The following LRRK2 variants were observed in gnomAD, a reference collection of about 807,000 sequenced individuals.
LRRK2 encodes the protein leucine rich repeat kinase 2.
LRRK2 carries 203 observed loss-of-function variants against 302.6 expected under a neutral mutation model. The ratio of observed to expected loss-of-function variants is 0.67; its 90% confidence interval spans 0.60 to 0.75. LRRK2 has a LOEUF of 0.75. LRRK2 is among the 30% of genes least tolerant of loss of function. LRRK2 has a pLI of 0.00. For missense variants in LRRK2, 2,830 were observed against 2,951.0 expected (o/e 0.96, Z 0.95); for synonymous variants, 1,066 against 1,031.9 (o/e 1.03, Z -0.63).
Position 40,225,080 on chromosome 12 carries a change from G to T in LRRK2, c.-52G>T. 1.2e-6 allele frequency: 2 copies of T among 1,610,410 alleles called. No individual in the cohort carries two copies. The highest frequency in any genetic ancestry group is 1.1e-5 in the South Asian group (1 of 90,800). On this transcript the variant is annotated 5_prime_UTR_variant, in exon 1 of 51. Coordinates refer to ENST00000298910, the MANE Select transcript of LRRK2 (RefSeq NM_198578.4). ...TGGCCGGCGCCCCTGCCGGTTCCCT[G>T]AGCAGCGGACGTTCATGCTGGGAGG...
chr12:40,284,532 A>G (rs766388956), intron 19 of LRRK2, among the ~76,000 whole-genome samples: 5 of 152,096 alleles, frequency 3.3e-5, no homozygotes, highest in African/African-American at 4.8e-5. Flanking sequence ...ACATGTACCT[A>G]TGCATTCAAA....
intron 20 of LRRK2, among the ~76,000 whole-genome samples, chr12:40,289,342 A>T (rs1037958249): frequency 6.6e-6 from 1 of 151,718 alleles, no homozygotes; most frequent in African/African-American, 2.4e-5. Context: ...AGATAGTGTA[A>T]GTCCTCTGGT....
Position 40,309,091 on chromosome 12 carries a change from C to A in LRRK2, c.4190-15C>A. 6 of 1,612,652 alleles carry A rather than the reference C, an allele frequency of 3.7e-6. No individual in the cohort carries two copies. The highest frequency in any genetic ancestry group is 5.1e-6 in the Non-Finnish European group (6 of 1,179,406). The stretch of plus-strand genomic sequence containing the variant: ...TTTGAAAGATTAAAAAAATTTGTCT[C>A]TAATCTTTATTTAGGTCGTGAGGAA... On this transcript the variant is annotated splice_polypyrimidine_tract_variant and intron_variant, in intron 29 of 50. Coordinates refer to ENST00000298910, the MANE Select transcript of LRRK2 (RefSeq NM_198578.4).
At chr12:40,316,830 T>C (rs541525961) in intron 33 of LRRK2, among the ~76,000 whole-genome samples, 1 of 152,200 alleles carries the variant, frequency 6.6e-6, no homozygotes, top group African/African-American at 2.4e-5. Flanking sequence ...AGCTGCATCC[T>C]GTACAGCAAA....
At position 40,249,807 on chromosome 12, in the gene LRRK2, T is replaced by A; in HGVS notation, c.839-19T>A. ...CTTCCATGGATGAGAATTCAGCTAA[T>A]GTTTCACTTAACTTTTAGGTAATTT... On this transcript the variant is annotated intron_variant, in intron 7 of 50. Transcript: ENST00000298910. The A allele has an allele frequency of 6.2e-7, 1 of 1,612,984 alleles. No homozygotes were observed. Among genetic ancestry groups the A allele is most frequent in the Non-Finnish European group, 8.5e-7 (1 of 1,179,198 alleles).
At chr12:40,290,819 T>C (rs1472131404) in intron 20 of LRRK2, among the ~76,000 whole-genome samples, 3 of 152,088 alleles carry the variant, frequency 2.0e-5, no homozygotes, top group Non-Finnish European at 4.4e-5. Context: ...CTTATCTTTA[T>C]TGTTCCCTTT....
chr12:40,229,233 A>C (rs1211344459), intron 2 of LRRK2, among the ~76,000 whole-genome samples: 1 of 152,108 alleles, frequency 6.6e-6, no homozygotes, highest in East Asian at 1.9e-4. Flanking sequence ...TATATGTTGA[A>C]TTAGCTGGAA....
In LRRK2 at chr12:40,365,088, A is replaced by C. The variant is rs1227629157; in HGVS notation, c.7390+38A>C. The C allele has an allele frequency of 1.9e-6, 3 of 1,562,052 alleles. No homozygotes were observed. In the East Asian group the frequency reaches 6.7e-5, roughly 35 times the overall value. ...CCTTTAGATATTTTTCATATTCTCT[A>C]AGTCTTATAAAATATGCCTTTATTT... On this transcript the variant is annotated intron_variant, in intron 49 of 50. Transcript: ENST00000298910.
Position 40,328,480 on chromosome 12 carries a change from A to C in LRRK2, c.5757+20A>C. The C allele has an allele frequency of 6.6e-7, 1 of 1,504,622 alleles. No individual in the cohort carries two copies. The highest frequency in any genetic ancestry group is 9.2e-7 in the Non-Finnish European group (1 of 1,090,224). 93.2% of individuals were successfully genotyped at this position (1,504,622 alleles called of 1,614,324 possible). A position where few individuals can be genotyped will look rare whatever the true frequency, so the allele number is the denominator to read the frequency against. On this transcript the variant is annotated intron_variant, in intron 39 of 50. Coordinates refer to ENST00000298910, the MANE Select transcript of LRRK2 (RefSeq NM_198578.4). Reference sequence around the variant, plus strand: ...AGACAAGTAAGAAATTCAATAATATAATTATATTAAATTGCACATTATTAA... The same window carrying C: ...AGACAAGTAAGAAATTCAATAATATCATTATATTAAATTGCACATTATTAA...
In LRRK2 at chr12:40,229,955, C is replaced by CTTTTTTTTTTTTTTTTTTTT. The variant is rs71078229; in HGVS notation, c.238-2310_238-2291dup. The stretch of plus-strand genomic sequence containing the variant: ...GAGATGAGTTTGGCATCCTATGTGA[C>CTTTTTTTTTTTTTTTTTTTT]TTTTTTTTTTTTTTTTTTTTTTTTT... On this transcript the variant is annotated intron_variant, in intron 2 of 50. Coordinates refer to ENST00000298910, the MANE Select transcript of LRRK2 (RefSeq NM_198578.4). Among the ~76,000 whole-genome samples the CTTTTTTTTTTTTTTTTTTTT allele has an allele frequency of 4.3e-5, 4 of 92,926 alleles. 2 individuals are homozygous for CTTTTTTTTTTTTTTTTTTTT. The highest frequency in any genetic ancestry group is 8.4e-5 in the Non-Finnish European group (4 of 47,742). 61.0% of individuals were successfully genotyped at this position (92,926 alleles called of 152,430 possible).
intron 18 of LRRK2, among the ~76,000 whole-genome samples, chr12:40,280,050 T>C (rs904846950): frequency 3.3e-5 from 5 of 152,182 alleles, no homozygotes; most frequent in Non-Finnish European, 5.9e-5. Flanking sequence ...ACATGATTGG[T>C]AGAGAAGAAT....
intron 48 of LRRK2, 67 bp downstream of exon 48, chr12:40,363,621 A>G: frequency 6.4e-7 from 1 of 1,558,828 alleles, no homozygotes; most frequent in Non-Finnish European, 8.8e-7. Flanking sequence ...GTCACAGAGG[A>G]AGGATTTTTC....
chr12:40,327,149 G>A (rs1315873945), intron 38 of LRRK2, among the ~76,000 whole-genome samples: 1 of 152,018 alleles, frequency 6.6e-6, no homozygotes, highest in South Asian at 2.1e-4. Flanking sequence ...GCTAAATGTC[G>A]GTGGAGAGTA....
chr12:40,307,781 C>CTTTTTTTTTTTTTTT (rs201473630), intron 28 of LRRK2, among the ~76,000 whole-genome samples: 4 of 119,408 alleles, frequency 3.3e-5, no homozygotes, highest in Non-Finnish European at 5.0e-5. Flanking sequence ...CTTTTCTTTT[C>CTTTTTTTTTTTTTTT]TTTTTTTTTT....
At chr12:40,297,369 A>G (rs1944422989) in intron 23 of LRRK2, among the ~76,000 whole-genome samples, 1 of 152,170 alleles carries the variant, frequency 6.6e-6, no homozygotes, top group East Asian at 1.9e-4. Flanking sequence ...ATTAGATGGC[A>G]CTTTGTTTGT....
intron 2 of LRRK2, among the ~76,000 whole-genome samples, chr12:40,230,006 G>A (rs1308823339): frequency 1.8e-5 from 1 of 55,208 alleles, no homozygotes; most frequent in African/African-American, 5.8e-5. Context: ...TGTTCAGAAT[G>A]TTATTTTCTT....
At chr12:40,280,978 G>A (rs1375475267) in intron 18 of LRRK2, among the ~76,000 whole-genome samples, 1 of 150,940 alleles carries the variant, frequency 6.6e-6, no homozygotes, top group Non-Finnish European at 1.5e-5. Flanking sequence ...TGAGGCAGGA[G>A]AATGGCGTGA....
chr12:40,296,908 C>T (rs543358815), intron 23 of LRRK2, among the ~76,000 whole-genome samples: 2 of 152,216 alleles, frequency 1.3e-5, no homozygotes, highest in Admixed American at 6.5e-5. Flanking sequence ...ATTTAACTGT[C>T]ACTTCATCAC....
In LRRK2 at chr12:40,243,617, A is replaced by T; in HGVS notation, c.774A>T (p.Lys258Asn). ...RCYNIVVEAM[K>N]AFPMSERIQE... ...ATAATATTGTGGTGGAAGCTATGAA[A>T]GCATTCCCTATGAGTGAAAGAATTC... is the stretch of plus-strand genomic sequence containing the variant. The change falls in exon 7 of 51, where the codon AAA becomes AAT. Residue 258 changes from lysine (K) to asparagine (N), a missense_variant. By Grantham distance (94) the Lys-to-Asn change is moderately conservative. Coordinates refer to ENST00000298910, the MANE Select transcript of LRRK2 (RefSeq NM_198578.4). 1 of 1,612,268 alleles carries T rather than the reference A, an allele frequency of 6.2e-7. No homozygotes were observed. The highest frequency in any genetic ancestry group is 8.5e-7 in the Non-Finnish European group (1 of 1,178,740).
Sources: allele counts gnomAD v4.1 joint callset (sites outside exome capture counted in the v4.1 genomes callset), GRCh38; gene constraint gnomAD v4.1.1; transcripts MANE v1.5; gene names NCBI Gene and HGNC (gene_info 2026-07-23, HGNC 2026-07-21).